Variants in LRRC53 observed in about 807,000 individuals in gnomAD.
LRRC53 encodes the protein leucine rich repeat containing 53, also known as leucine-rich repeat-containing protein 53.
LRRC53 carries 25 observed loss-of-function variants against 13.6 expected under a neutral mutation model. The observed-to-expected ratio is 1.83, with a 90% CI of 1.34 to 2.56. LRRC53 has a LOEUF of 2.56. Ranked by LOEUF, LRRC53 falls within the 30% of genes most tolerant of loss-of-function variation. LRRC53 has a pLI of 0.00. For missense variants in LRRC53, 527 were observed against 275.8 expected, an observed-to-expected ratio of 1.91 and a Z score of -6.45; for synonymous variants, 204 against 109.8, an observed-to-expected ratio of 1.86 and a Z score of -5.37.
At chr1:74,524,678 A>AAATAT in the LRRC53 span, among the ~76,000 whole-genome samples, 47 of 75,560 alleles carry the variant, frequency 6.2e-4, 1 homozygote, top group Middle Eastern at 0.042. Flanking sequence ...GCAGCAAATA[A>AAATAT]AACACAGAAA....
chr1:74,518,958 T>C, the LRRC53 span, among the ~76,000 whole-genome samples: 1 of 108,354 alleles, frequency 9.2e-6, no homozygotes, highest in Non-Finnish European at 1.7e-5. Flanking sequence ...TGTATACATG[T>C]GCCATGCTGG....
intron 1 of LRRC53, among the ~76,000 whole-genome samples, chr1:74,498,461 A>G (rs576939502): frequency 3.3e-5 from 5 of 152,318 alleles, no homozygotes; most frequent in African/African-American, 1.2e-4. Context: ...TTAAAAACAG[A>G]AATTCTCTTC....
chr1:74,503,148 G>C (rs1263542464), intron 1 of LRRC53, among the ~76,000 whole-genome samples: 2 of 152,120 alleles, frequency 1.3e-5, no homozygotes, highest in African/African-American at 4.8e-5. Flanking sequence ...TCTTTTAGCT[G>C]ACATTTGTGG....
Position 74,511,520 on chromosome 1 carries a change from A to G in LRRC53, c.-27+1006T>C, listed in dbSNP as rs1194385290. Among the ~76,000 whole-genome samples the G allele has an allele frequency of 2.0e-5, 3 of 152,254 alleles. No individual in the cohort carries two copies. The East Asian group carries it at 5.8e-4, about 29-fold the overall frequency. On this transcript the variant is annotated intron_variant, in intron 1 of 4. Coordinates refer to ENST00000294635, the MANE Select transcript of LRRC53 (RefSeq NM_001382280.1). ...CACAAATGTATGTGTCATTTTCCCT[A>G]TTACGCTAGCCTCTTCACTGATCTA...
At chr1:74,482,560 G>A (rs943788848) in intron 2 of LRRC53, among the ~76,000 whole-genome samples, 6 of 152,120 alleles carry the variant, frequency 3.9e-5, no homozygotes, top group Admixed American at 2.0e-4. Context: ...TATCAGAGTC[G>A]TGGGATATTA....
chr1:74,498,941 C>A (rs1020733250), intron 1 of LRRC53, among the ~76,000 whole-genome samples: 1 of 152,086 alleles, frequency 6.6e-6, no homozygotes, highest in Non-Finnish European at 1.5e-5. Context: ...TAATATGACG[C>A]TTATTTTAGC....
intron 3 of LRRC53, among the ~76,000 whole-genome samples, chr1:74,478,062 G>T (rs1668292696): frequency 6.6e-6 from 1 of 152,126 alleles, no homozygotes; most frequent in Non-Finnish European, 1.5e-5. Context: ...TTATGACTTA[G>T]ATATAGCTGA....
chr1:74,501,366 GACC>G (rs1279067555), intron 1 of LRRC53, among the ~76,000 whole-genome samples: 2 of 152,106 alleles, frequency 1.3e-5, no homozygotes, highest in African/African-American at 4.8e-5. Context: ...AAAAGCTGTA[GACC>G]TGCTCCATAC....
chr1:74,526,916 A>G, the LRRC53 span, among the ~76,000 whole-genome samples: 1 of 152,236 alleles, frequency 6.6e-6, no homozygotes, highest in Non-Finnish European at 1.5e-5. Flanking sequence ...ATTTGTTTAC[A>G]TATTATCTAT....
At chr1:74,482,922 A>G (rs867702676) in intron 2 of LRRC53, among the ~76,000 whole-genome samples, 2 of 152,194 alleles carry the variant, frequency 1.3e-5, no homozygotes, top group South Asian at 4.1e-4. Context: ...ATTCATTGAT[A>G]TTTCTTCCAG....
chr1:74,485,511 C>G (rs1301466366), intron 1 of LRRC53, among the ~76,000 whole-genome samples: 2 of 152,202 alleles, frequency 1.3e-5, no homozygotes, highest in Non-Finnish European at 2.9e-5. Flanking sequence ...CTAACATGAC[C>G]TGCAAGATTC....
the LRRC53 span, among the ~76,000 whole-genome samples, chr1:74,533,502 G>T: frequency 6.6e-6 from 1 of 152,084 alleles, no homozygotes; most frequent in African/African-American, 2.4e-5. Context: ...AAGTCAGTGT[G>T]GTGATTCCTC....
intron 1 of LRRC53, among the ~76,000 whole-genome samples, chr1:74,510,667 G>A (rs141038369): frequency 7.2e-5 from 11 of 152,210 alleles, no homozygotes; most frequent in African/African-American, 2.4e-4. Context: ...ATAAACTTCC[G>A]TTTCTCTTTG....
At chr1:74,496,030 C>T (rs189632764) in intron 1 of LRRC53, among the ~76,000 whole-genome samples, 2 of 152,304 alleles carry the variant, frequency 1.3e-5, no homozygotes, top group African/African-American at 4.8e-5. Flanking sequence ...ACTTTGGCTG[C>T]ACATTAGAAT....
chr1:74,500,587 G>A (rs549632597), intron 1 of LRRC53, among the ~76,000 whole-genome samples: 68 of 102,428 alleles, frequency 6.6e-4, no homozygotes, highest in African/African-American at 2.4e-3. Context: ...CTGGGCGACA[G>A]AGCGAGACTC....
At chr1:74,481,033 G>A (rs1668476188) in intron 2 of LRRC53, 65 bp from the exon 3 acceptor site, 2 of 636,256 alleles carry the variant, frequency 3.1e-6, no homozygotes, top group Non-Finnish European at 5.8e-6. Context: ...GGGTATGGTG[G>A]AGAGCAGAGA....
the LRRC53 span, among the ~76,000 whole-genome samples, chr1:74,521,852 T>A: frequency 6.6e-6 from 1 of 152,192 alleles, no homozygotes; most frequent in East Asian, 1.9e-4. Context: ...TAAGTCAGAA[T>A]TTCTTTAAAG....
chr1:74,514,961 C>T (rs76869123), upstream of LRRC53, among the ~76,000 whole-genome samples: 2,476 of 152,042 alleles, frequency 0.016, 43 homozygotes, highest in Middle Eastern at 0.058. Context: ...CACAAAGACA[C>T]GCAGAAGAAT....
chr1:74,471,801 G>A lies in LRRC53; in HGVS notation c.1821C>T (p.Asn607=), dbSNP rs375990583. 4.6e-6 allele frequency: 2 copies of A among 431,144 alleles called. No homozygotes were observed. Among genetic ancestry groups the A allele is most frequent in the East Asian group, 6.9e-5 (2 of 29,072 alleles). The allele number at this position is 431,144 out of a possible 1,614,324, so 26.7% of individuals were successfully genotyped here. A position where few individuals can be genotyped will look rare whatever the true frequency, so the allele number is the denominator to read the frequency against. The change falls in exon 5 of 5, where the codon AAC becomes AAT. Residue 607 remains asparagine (N), a synonymous_variant. Coordinates refer to ENST00000294635, the MANE Select transcript of LRRC53 (RefSeq NM_001382280.1). ...SKPEKEQIQI[N]SAIEKFLMSE... is the part of the protein sequence containing the mutation. ...TCATAAGAAATTTTTCTATTGCACT[G>A]TTAATTTGGATTTGCTCTTTCTCAG...
Sources: gnomAD v4.1 joint callset for allele counts (sites outside exome capture counted in the v4.1 genomes callset) on GRCh38, gnomAD v4.1.1 for gene constraint, MANE v1.5 for transcripts, NCBI Gene and HGNC (gene_info 2026-07-23, HGNC 2026-07-21) for gene names.